The following PTPRU variants were observed in gnomAD, a reference collection of about 807,000 sequenced individuals.
PTPRU encodes receptor-type tyrosine-protein phosphatase U.
A neutral mutation model predicts 166.3 loss-of-function variants in PTPRU; 69 were observed. The observed-to-expected ratio is 0.41, with a 90% confidence interval of 0.34 to 0.51. The LOEUF is 0.51. Ranked by LOEUF, PTPRU falls within the 20% of genes least tolerant of loss-of-function variation. The pLI is 0.09. For missense variants in PTPRU, 1,657 were observed against 2,013.7 expected (o/e 0.82, Z 3.39); for synonymous variants, 793 against 814.0 (o/e 0.97, Z 0.44).
intron 1 of PTPRU, among the ~76,000 whole-genome samples, chr1:29,254,578 C>G (rs16838061): frequency 0.51 from 77,655 of 152,104 alleles, 21,325 homozygotes; most frequent in Non-Finnish European, 0.63. Flanking sequence ...TGACATCTGT[C>G]AAGTAGGAAA....
At position 29,305,418 on chromosome 1, in the gene PTPRU, A is replaced by G. The variant is rs769386710; in HGVS notation, c.2810A>G (p.Asn937Ser). The G allele has an allele frequency of 6.2e-6, 10 of 1,613,600 alleles. No individual in the cohort carries two copies. Among genetic ancestry groups the G allele is most frequent in the Non-Finnish European group, 7.6e-6 (9 of 1,179,820 alleles). Residue 937 changes from asparagine (N) to serine (S), a missense_variant, in exon 18 of 30, where the codon AAC becomes AGC. Asn to Ser is a conservative substitution (Grantham distance 46). This residue lies in a region of PTPRU where 1,190 missense variants were observed against 1,477.4 expected (regional missense o/e 0.81). Transcript: ENST00000373779. ...CCCAATGCCGACTACATTAATGCCA[A>G]CTACATAGATGTGAGTGCCTTGCCC... ...GDPNADYINA[N>S]YIDGYHRSNH...
Position 29,260,127 on chromosome 1 carries a change from C to CGGGGCCGGGGGGG in PTPRU, c.850+84_850+85insGGGCCGGGGGGGG. The CGGGGCCGGGGGGG allele has an allele frequency of 2.4e-6, 1 of 413,180 alleles. No individual in the cohort carries two copies. The highest frequency in any genetic ancestry group is 3.5e-6 in the Non-Finnish European group (1 of 284,134). The allele number at this position is 413,180 out of a possible 1,614,324, so 25.6% of individuals were successfully genotyped here. Reference sequence around the variant, plus strand: ...GACGGGGGCGGGCTCTGCCCGGGGGCGTGGCCGTGGGGGGTGGGGCCGGCA... The same window carrying CGGGGCCGGGGGGG: ...GACGGGGGCGGGCTCTGCCCGGGGGCGGGGCCGGGGGGGGTGGCCGTGGGGGGTGGGGCCGGCA... On this transcript the variant is annotated intron_variant, in intron 6 of 29. Transcript: ENST00000373779. The surrounding 1 kb of genome is among the most constrained non-coding windows in gnomAD (Gnocchi z 8.3).
rs751334514 is a variant in PTPRU, at chr1:29,283,925, C to G, written c.2143-15C>G. The G allele has an allele frequency of 8.7e-6, 14 of 1,614,024 alleles. No individual in the cohort carries two copies. In the East Asian group the frequency reaches 3.1e-4, roughly 36 times the overall value. On this transcript the variant is annotated splice_polypyrimidine_tract_variant and intron_variant, in intron 12 of 29. Coordinates refer to ENST00000373779, the MANE Select transcript of PTPRU (RefSeq NM_133178.4). The stretch of plus-strand genomic sequence containing the variant: ...GGGGCTTCAGCAACGCTGAGACCCC[C>G]ATCTGTGCCTCCAGGAGACCCGGCT...
At chr1:29,296,106 T>C (rs1397855084) in intron 15 of PTPRU, among the ~76,000 whole-genome samples, 1 of 152,240 alleles carries the variant, frequency 6.6e-6, no homozygotes, top group Non-Finnish European at 1.5e-5. Context: ...TAGTTGTTTT[T>C]TCTTTCCCAC....
At chr1:29,248,650 G>T (rs78878688) in intron 1 of PTPRU, among the ~76,000 whole-genome samples, 1,826 of 152,178 alleles carry the variant, frequency 0.012, 35 homozygotes, top group African/African-American at 0.041. Flanking sequence ...AGCTGCAGCC[G>T]CATTGGGCAT....
chr1:29,283,109 A>G (rs1184793189), intron 12 of PTPRU, among the ~76,000 whole-genome samples, 160 bp downstream of exon 12: 4 of 66,926 alleles, frequency 6.0e-5, no homozygotes. Context: ...CCTACAGCCC[A>G]CCCCCATAGC....
Position 29,258,681 on chromosome 1 carries a change from C to G in PTPRU, c.382C>G (p.Leu128Val). ...CTACGTGCGCGTTAATGGGGGCCCC[C>G]TGGGCAGTGCTGTGTGGAATATGAC... ...GVYVRVNGGP[L>V]GSAVWNMTGS... Residue 128 changes from leucine (L) to valine (V), a missense_variant, in exon 3 of 30, where the codon CTG becomes GTG. Around this residue, in one of 3 missense-constraint regions of PTPRU, gnomAD observed 453 missense variants for 496.9 expected, o/e 0.91. Coordinates refer to ENST00000373779, the MANE Select transcript of PTPRU (RefSeq NM_133178.4). 6.2e-7 allele frequency: 1 copy of G among 1,614,126 alleles called. No individual in the cohort carries two copies. Among genetic ancestry groups the G allele is most frequent in the Non-Finnish European group, 8.5e-7 (1 of 1,179,988 alleles).
rs1688251416 is a variant in PTPRU at position 29,323,380 on chromosome 1, C to A, written c.3838C>A (p.Gln1280Lys). The change falls in exon 27 of 30, where the codon CAG (glutamine) becomes AAG (lysine). Residue 1280 changes from glutamine to lysine, a missense_variant. By Grantham distance (53) the Gln-to-Lys change is moderately conservative (BLOSUM62 1). Coordinates refer to ENST00000373779, the MANE Select transcript of PTPRU (RefSeq NM_133178.4). ...CCGTGCTTATGCCCAGCCCTGCCTGCAGTACTGGCCAGAGCCAGGCCGGCA... is the reference window on the plus strand; with the variant it reads ...CCGTGCTTATGCCCAGCCCTGCCTGAAGTACTGGCCAGAGCCAGGCCGGCA... ...NQSNSAWPCL[Q>K]YWPEPGRQQY... 3.1e-6 allele frequency: 5 copies of A among 1,606,832 alleles called. No homozygotes were observed. In the East Asian group the frequency reaches 1.1e-4, roughly 36 times the overall value.
Position 29,280,154 on chromosome 1 carries a change from G to A in PTPRU, c.1868+13G>A. 1.3e-6 allele frequency: 2 copies of A among 1,598,538 alleles called. No homozygotes were observed. The highest frequency in any genetic ancestry group is 1.7e-6 in the Non-Finnish European group (2 of 1,167,246). Reference sequence around the variant, plus strand: ...GTGCGCCCATCAGGTGGGAAAGCGGGGACGGAGGGGTGGGAGTCCAGGGCC... The same window carrying A: ...GTGCGCCCATCAGGTGGGAAAGCGGAGACGGAGGGGTGGGAGTCCAGGGCC... On this transcript the variant is annotated intron_variant, in intron 11 of 29. Transcript: ENST00000373779. The surrounding 1 kb of genome is among the most constrained non-coding windows in gnomAD (Gnocchi z 4.2).
rs1460110826 is a variant in PTPRU, at chr1:29,257,456, G to T, written c.206-1049G>T. Among the ~76,000 whole-genome samples the T allele has an allele frequency of 6.6e-6, 1 of 152,144 alleles. No individual in the cohort carries two copies. Among genetic ancestry groups the T allele is most frequent in the Non-Finnish European group, 1.5e-5 (1 of 68,018 alleles). Reference sequence around the variant, plus strand: ...CTTGTGTTGGCTGGCAGCCAAGCCCGGGAGGAGGCAGCGCTGGGTGGTTTC... The same window carrying T: ...CTTGTGTTGGCTGGCAGCCAAGCCCTGGAGGAGGCAGCGCTGGGTGGTTTC... On this transcript the variant is annotated intron_variant, in intron 2 of 29. Coordinates refer to ENST00000373779, the MANE Select transcript of PTPRU (RefSeq NM_133178.4). The surrounding 1 kb of genome is among the most constrained non-coding windows in gnomAD (Gnocchi z 4.6).
rs764564395 is a variant in PTPRU, at chr1:29,280,057, C to G, written c.1784C>G (p.Ala595Gly). The change falls in exon 11 of 30, where the codon GCC becomes GGC. Residue 595 changes from alanine (A) to glycine (G), a missense_variant. Ala to Gly is a moderately conservative substitution (Grantham distance 60). Around this residue, in one of 3 missense-constraint regions of PTPRU, gnomAD observed 1,190 missense variants for 1,477.4 expected, o/e 0.81. Coordinates refer to ENST00000373779, the MANE Select transcript of PTPRU (RefSeq NM_133178.4). This position sits in a 1 kb window ranked among gnomAD's most constrained non-coding sequence, Gnocchi z 4.2. ...TNISAPSFDY[A>G]DMPSPLGESE... ...TCTCCAGCTCCCAGCTTTGATTATGCCGACATGCCGTCACCCCTGGGCGAG... is the reference window on the plus strand; with the variant it reads ...TCTCCAGCTCCCAGCTTTGATTATGGCGACATGCCGTCACCCCTGGGCGAG... The G allele has an allele frequency of 2.5e-6, 4 of 1,613,582 alleles. No individual in the cohort carries two copies. The highest frequency in any genetic ancestry group is 3.4e-6 in the Non-Finnish European group (4 of 1,179,830).
In PTPRU at chr1:29,326,082, T is replaced by G. The variant is rs958435690; in HGVS notation, c.*421T>G. The G allele has an allele frequency of 2.5e-6, 1 of 400,132 alleles. No individual in the cohort carries two copies. Among genetic ancestry groups the G allele is most frequent in the African/African-American group, 2.1e-5 (1 of 48,716 alleles). 24.8% of individuals were successfully genotyped at this position (400,132 alleles called of 1,614,324 possible). A position where few individuals can be genotyped will look rare whatever the true frequency, so the allele number is the denominator to read the frequency against. ...AGGTTCCCACTCAGCCTGCCCCCTCTGCATGTGGGTAGAGGATGTACTGGG... is the reference window on the plus strand; with the variant it reads ...AGGTTCCCACTCAGCCTGCCCCCTCGGCATGTGGGTAGAGGATGTACTGGG... On this transcript the variant is annotated 3_prime_UTR_variant, in exon 30 of 30. Coordinates refer to ENST00000373779, the MANE Select transcript of PTPRU (RefSeq NM_133178.4).
At chr1:29,264,972 G>A (rs1456561362) in intron 7 of PTPRU, among the ~76,000 whole-genome samples, 1 of 152,116 alleles carries the variant, frequency 6.6e-6, no homozygotes, top group African/African-American at 2.4e-5. Context: ...ATTCCATGCT[G>A]TGGAAATGCC....
chr1:29,325,066 C>G (rs1244917658), intron 28 of PTPRU, 125 bp from the exon 29 acceptor site: 2 of 1,332,032 alleles, frequency 1.5e-6, no homozygotes, highest in African/African-American at 2.9e-5. Context: ...CTGCCCCACC[C>G]TTCTAGATTC....
intron 1 of PTPRU, among the ~76,000 whole-genome samples, chr1:29,241,495 T>C (rs1183996125): frequency 6.6e-6 from 1 of 151,756 alleles, no homozygotes; most frequent in East Asian, 1.9e-4. Context: ...GGGGTATCTG[T>C]GTATGAAACA....
At position 29,311,219 on chromosome 1, in the gene PTPRU, C is replaced by G; in HGVS notation, c.2858-237C>G. ...CATTGCCCAACCATCTGGTCCTCCT[C>G]CAGGGTCCCATTCAGGATGAGCGGG... is the stretch of plus-strand genomic sequence containing the variant. On this transcript the variant is annotated intron_variant, in intron 19 of 29. Coordinates refer to ENST00000373779, the MANE Select transcript of PTPRU (RefSeq NM_133178.4). This position sits in a 1 kb window ranked among gnomAD's most constrained non-coding sequence, Gnocchi z 4.1. 1.7e-6 allele frequency: 1 copy of G among 593,752 alleles called. No individual in the cohort carries two copies. The highest frequency in any genetic ancestry group is 3.0e-6 in the Non-Finnish European group (1 of 333,284). 36.8% of individuals were successfully genotyped at this position (593,752 alleles called of 1,614,324 possible).
Position 29,260,598 on chromosome 1 carries a change from A to G in PTPRU, c.851-12A>G. Reference sequence around the variant, plus strand: ...CATCGGTCCGCCTCGCCTCTCCCCCATCTCCTCGCAGAGCCCCCAACTCCC... The same window carrying G: ...CATCGGTCCGCCTCGCCTCTCCCCCGTCTCCTCGCAGAGCCCCCAACTCCC... On this transcript the variant is annotated splice_polypyrimidine_tract_variant and intron_variant, in intron 6 of 29. Transcript: ENST00000373779. This position sits in a 1 kb window ranked among gnomAD's most constrained non-coding sequence, Gnocchi z 8.3. 6.7e-7 allele frequency: 1 copy of G among 1,486,140 alleles called. No individual in the cohort carries two copies. Among genetic ancestry groups the G allele is most frequent in the Non-Finnish European group, 9.0e-7 (1 of 1,116,472 alleles). The allele number at this position is 1,486,140 out of a possible 1,614,324, so 92.1% of individuals were successfully genotyped here.
chr1:29,301,103 T>A (rs1687112450), intron 15 of PTPRU, among the ~76,000 whole-genome samples: 1 of 152,140 alleles, frequency 6.6e-6, no homozygotes, highest in African/African-American at 2.4e-5. Flanking sequence ...CACTGGACCC[T>A]GCCAGCTTAG....
At chr1:29,252,440 T>A (rs916187817) in intron 1 of PTPRU, among the ~76,000 whole-genome samples, 5 of 151,944 alleles carry the variant, frequency 3.3e-5, no homozygotes, top group Admixed American at 1.3e-4. Flanking sequence ...GCTAATTTTT[T>A]AATTTTTAGT....
Sources: gnomAD v4.1 joint callset for allele counts (sites outside exome capture counted in the v4.1 genomes callset) on GRCh38, gnomAD v4.1.1 for gene constraint, gnomAD v4.1.1 regional missense constraint, Gnocchi (gnomAD v3.1) non-coding constraint, MANE v1.5 for transcripts, NCBI Gene and HGNC (gene_info 2026-07-23, HGNC 2026-07-21) for gene names.